LMO7: variants seen among roughly 807,000 people sequenced by gnomAD.
LMO7 encodes the protein LIM domain 7, also known as LIM domain only protein 7.
In LMO7, 120 loss-of-function variants were observed where a neutral mutation model predicts 206.5. The ratio of observed to expected loss-of-function variants is 0.58; its 90% CI spans 0.50 to 0.68. The LOEUF (loss-of-function observed/expected upper bound fraction) is 0.68. Ranked by LOEUF, LMO7 falls within the 30% of genes least tolerant of loss-of-function variation. LMO7 has a pLI of 0.00. For synonymous variants in LMO7, 706 were observed against 681.5 expected (o/e 1.04, Z -0.56); for missense variants, 1,959 against 1,957.9 (o/e 1.00, Z -0.01).
chr13:75,740,326 C>G (rs529967468), intron 3 of LMO7, among the ~76,000 whole-genome samples: 1 of 152,324 alleles, frequency 6.6e-6, no homozygotes, highest in East Asian at 1.9e-4. Flanking sequence ...TGGTCACTCA[C>G]GCCTGTAATC....
intron 1 of LMO7, among the ~76,000 whole-genome samples, chr13:75,676,816 C>T (rs539542880): frequency 2.0e-5 from 3 of 152,248 alleles, no homozygotes; most frequent in South Asian, 4.1e-4. Flanking sequence ...GGGTAGTATA[C>T]GGTGGCAGTT....
At chr13:75,671,701 A>G (rs1396954679) in intron 1 of LMO7, among the ~76,000 whole-genome samples, 1 of 152,188 alleles carries the variant, frequency 6.6e-6, no homozygotes, top group Admixed American at 6.5e-5. Flanking sequence ...TACAATAGAA[A>G]TTTGTTTAAA....
At chr13:75,826,599 G>T (rs1199987416) in intron 15 of LMO7, among the ~76,000 whole-genome samples, 1 of 152,184 alleles carries the variant, frequency 6.6e-6, no homozygotes, top group East Asian at 1.9e-4. Flanking sequence ...GCTGAAGTTA[G>T]TGTGCTTACT....
intron 1 of LMO7, among the ~76,000 whole-genome samples, chr13:75,651,472 G>C (rs1410829105): frequency 1.3e-5 from 2 of 152,038 alleles, no homozygotes; most frequent in East Asian, 3.9e-4. Context: ...ACCATGCCTG[G>C]CTAATTTTTG....
At chr13:75,770,324 G>A (rs1333826676) in intron 4 of LMO7, among the ~76,000 whole-genome samples, 1 of 152,006 alleles carries the variant, frequency 6.6e-6, no homozygotes, top group East Asian at 1.9e-4. Context: ...AATGTTGATG[G>A]GGATGTGGGT....
chr13:75,636,173 C>A, upstream of LMO7: 1 of 422,726 alleles, frequency 2.4e-6, no homozygotes, highest in Non-Finnish European at 3.2e-6. Flanking sequence ...CCGGGCCAGA[C>A]AGTCTGACCA....
intron 3 of LMO7, among the ~76,000 whole-genome samples, chr13:75,753,469 A>G: frequency 6.6e-6 from 1 of 152,128 alleles, no homozygotes. Context: ...TCTCAGTCAT[A>G]CATTCTTTGC....
chr13:75,777,749 C>A (rs2050714746), intron 4 of LMO7, among the ~76,000 whole-genome samples: 1 of 151,402 alleles, frequency 6.6e-6, no homozygotes, highest in South Asian at 2.1e-4. Flanking sequence ...GGGTTCATGC[C>A]ATTTCCCTGC....
intron 4 of LMO7, among the ~76,000 whole-genome samples, chr13:75,794,126 A>G (rs1040543344): frequency 2.0e-5 from 3 of 152,240 alleles, no homozygotes; most frequent in Non-Finnish European, 4.4e-5. Flanking sequence ...ATTCTTGTAT[A>G]TAACTTTTTG....
chr13:75,728,180 A>T (rs2044683578), intron 3 of LMO7, among the ~76,000 whole-genome samples: 1 of 152,120 alleles, frequency 6.6e-6, no homozygotes, highest in Non-Finnish European at 1.5e-5. Context: ...CTCGTTCTAG[A>T]TCCCTGAGGA....
chr13:75,817,506 A>G lies in LMO7; in HGVS notation c.2064+228A>G, dbSNP rs188551285. ...TATACCTGGATGTTTATTTTCTAAC[A>G]TTCTCTGAGTTCTCAAAAATGTGAG... is the stretch of plus-strand genomic sequence containing the variant. On this transcript the variant is annotated intron_variant, in intron 12 of 30. Transcript: ENST00000377534. Among the ~76,000 whole-genome samples, 662 of 152,252 alleles carry G rather than the reference A, an allele frequency of 4.3e-3. 8 individuals are homozygous for G. Among genetic ancestry groups the G allele is most frequent in the African/African-American group, 0.015 (619 of 41,552 alleles).
intron 4 of LMO7, among the ~76,000 whole-genome samples, chr13:75,776,168 T>TATATATATATATATATATATCGG (rs1566433676): frequency 1.0e-4 from 4 of 38,360 alleles, no homozygotes; most frequent in African/African-American, 5.0e-4. Flanking sequence ...ATCGGATATA[T>TATATATATATATATATATATCGG]ATATATATAT....
chr13:75,840,293 G>A, intron 21 of LMO7, 98 bp from the exon 22 acceptor site: 1 of 1,449,978 alleles, frequency 6.9e-7, no homozygotes, highest in Non-Finnish European at 9.6e-7. Flanking sequence ...TAAGCAAACT[G>A]TGATATGAAT....
intron 1 of LMO7, among the ~76,000 whole-genome samples, chr13:75,651,309 C>CTT (rs33997803): frequency 4.4e-5 from 6 of 135,452 alleles, no homozygotes; most frequent in Admixed American, 7.5e-5. Flanking sequence ...GTGTGGTTTC[C>CTT]TTTTTTTTTT....
At chr13:75,642,782 A>G (rs1256458638) in intron 1 of LMO7, among the ~76,000 whole-genome samples, 1 of 152,202 alleles carries the variant, frequency 6.6e-6, no homozygotes, top group East Asian at 1.9e-4. Context: ...TCTGGCCCAA[A>G]TTAGAAATTG....
At chr13:75,802,839 A>G (rs2054937166) in intron 7 of LMO7, among the ~76,000 whole-genome samples, 1 of 152,198 alleles carries the variant, frequency 6.6e-6, no homozygotes, top group African/African-American at 2.4e-5. Context: ...ATTGATGAGC[A>G]CTATAATGTA....
intron 1 of LMO7, among the ~76,000 whole-genome samples, chr13:75,678,112 T>C (rs903823648): frequency 6.6e-6 from 1 of 152,096 alleles, no homozygotes; most frequent in South Asian, 2.1e-4. Context: ...TATGTGTGCA[T>C]GTGTCTTTAT....
chr13:75,650,311 G>A (rs576158127), intron 1 of LMO7, among the ~76,000 whole-genome samples: 19 of 151,844 alleles, frequency 1.3e-4, no homozygotes, highest in African/African-American at 4.6e-4. Flanking sequence ...TGTATTTTTA[G>A]TAGAGACAGG....
At chr13:75,782,726 C>T (rs1306700031) in intron 4 of LMO7, among the ~76,000 whole-genome samples, 1 of 152,172 alleles carries the variant, frequency 6.6e-6, no homozygotes, top group Non-Finnish European at 1.5e-5. Context: ...CTAGGGATAG[C>T]CAAGCATTCC....
Sources: gnomAD v4.1 joint callset for allele counts (sites outside exome capture counted in the v4.1 genomes callset) on GRCh38, gnomAD v4.1.1 for gene constraint, MANE v1.5 for transcripts, NCBI Gene and HGNC (gene_info 2026-07-23, HGNC 2026-07-21) for gene names.